The following GPR132 variants were observed in gnomAD, a reference collection of about 807,000 sequenced individuals.
The protein encoded by GPR132 is G protein-coupled receptor 132.
Under a neutral mutation model 1.9 loss-of-function variants are expected in GPR132, and 4 were observed. That is an observed-to-expected ratio of 2.13 (90% confidence interval 1.05 to 4.87). The LOEUF is 4.87. Ranked by LOEUF, GPR132 falls within the 30% of genes most tolerant of loss-of-function variation. The pLI is 0.01. For missense variants in GPR132, 404 were observed against 512.5 expected, an observed-to-expected ratio of 0.79 and a Z score of 2.04; for synonymous variants, 233 against 234.2, an observed-to-expected ratio of 0.99 and a Z score of 0.05.
chr14:105,050,730 T>A lies in GPR132; in HGVS notation c.*264A>T. On this transcript the variant is annotated 3_prime_UTR_variant, in exon 4 of 4. Coordinates refer to ENST00000329797, the MANE Select transcript of GPR132 (RefSeq NM_013345.4). This position sits in a 1 kb window ranked among gnomAD's most constrained non-coding sequence, Gnocchi z 4.0. ...CAAGGGAGCCAGCCAGGCAGGCTGCTGATGAAGAGGCCCCACTGCCTGCCA... is the reference window on the plus strand; with the variant it reads ...CAAGGGAGCCAGCCAGGCAGGCTGCAGATGAAGAGGCCCCACTGCCTGCCA... 5.8e-6 allele frequency: 3 copies of A among 517,522 alleles called. No homozygotes were observed. Among genetic ancestry groups the A allele is most frequent in the Non-Finnish European group, 1.0e-5 (3 of 289,148 alleles). 32.1% of individuals were successfully genotyped at this position (517,522 alleles called of 1,614,324 possible).
chr14:105,053,950 G>C (rs143526502), intron 3 of GPR132: 2 of 1,191,642 alleles, frequency 1.7e-6, no homozygotes, highest in Non-Finnish European at 2.1e-6. Context: ...ACAGCTCTCC[G>C]AGGTCAGAAA....
At position 105,050,757 on chromosome 14, in the gene GPR132, AT is replaced by A; in HGVS notation, c.*236del. On this transcript the variant is annotated 3_prime_UTR_variant, in exon 4 of 4. Transcript: ENST00000329797. This position sits in a 1 kb window ranked among gnomAD's most constrained non-coding sequence, Gnocchi z 4.0. Reference sequence around the variant, plus strand: ...ATGAAGAGGCCCCACTGCCTGCCACATGCTCTCTGGGCTCCCGGAAGCCTGG... The same window carrying A: ...ATGAAGAGGCCCCACTGCCTGCCACAGCTCTCTGGGCTCCCGGAAGCCTGG... The A allele has an allele frequency of 1.8e-6, 1 of 556,670 alleles. No homozygotes were observed. The highest frequency in any genetic ancestry group is 3.2e-6 in the Non-Finnish European group (1 of 312,148). 34.5% of individuals were successfully genotyped at this position (556,670 alleles called of 1,614,324 possible).
At chr14:105,052,782 C>T (rs1239831436) in intron 3 of GPR132, among the ~76,000 whole-genome samples, 1 of 151,362 alleles carries the variant, frequency 6.6e-6, no homozygotes, top group Admixed American at 6.6e-5. Context: ...CATGGAGAAA[C>T]CCTGTCTCTA....
At position 105,051,455 on chromosome 14, in the gene GPR132, G is replaced by A; in HGVS notation, c.682C>T (p.Gln228Ter). The A allele has an allele frequency of 6.2e-7, 1 of 1,614,094 alleles. No homozygotes were observed. The highest frequency in any genetic ancestry group is 1.7e-5 in the Admixed American group (1 of 60,026). Residue 228 changes from glutamine (Q) to a stop codon, truncating the protein, a stop_gained, in exon 4 of 4, where the codon CAG becomes TAG. Coordinates refer to ENST00000329797, the MANE Select transcript of GPR132 (RefSeq NM_013345.4). LOFTEE classifies it low-confidence loss of function (END_TRUNC). This position sits in a 1 kb window ranked among gnomAD's most constrained non-coding sequence, Gnocchi z 8.0. ...TGGGCAGCGCTTAAGCCCATGCTCT[G>A]CTTGATGCTCCTGAAAATCCGGTGG... ...TNHRIFRSIK[Q>*]SMGLSAAQKA...
In GPR132 at chr14:105,056,143, C is replaced by T. The variant is rs1886786840; in HGVS notation, c.-723G>A. The T allele has an allele frequency of 3.0e-6, 3 of 985,940 alleles. No homozygotes were observed. Among genetic ancestry groups the T allele is most frequent in the Non-Finnish European group, 1.2e-6 (1 of 830,250 alleles). The allele number at this position is 985,940 out of a possible 1,614,324, so 61.1% of individuals were successfully genotyped here. A position where few individuals can be genotyped will look rare whatever the true frequency, so the allele number is the denominator to read the frequency against. On this transcript the variant is annotated 5_prime_UTR_variant, in exon 3 of 4. Coordinates refer to ENST00000329797, the MANE Select transcript of GPR132 (RefSeq NM_013345.4). The surrounding 1 kb of genome is among the most constrained non-coding windows in gnomAD (Gnocchi z 6.0). ...TTGCTGGGTTTCTCCGGGTGAGTGT[C>T]GTGTCCCTTGCTCACCTTCCTCCCT...
rs571477782 is a variant in GPR132, at chr14:105,059,574, CTGT to C, written c.-860-2297_-860-2295del. On this transcript the variant is annotated intron_variant, in intron 1 of 3. Coordinates refer to ENST00000329797, the MANE Select transcript of GPR132 (RefSeq NM_013345.4). The surrounding 1 kb of genome is among the most constrained non-coding windows in gnomAD (Gnocchi z 4.2). ...ATGCAACCATTTGTCTCTCGCCTAC[CTGT>C]GTAGGCGAGAGACAAATGGTTGGGA... Among the ~76,000 whole-genome samples the C allele has an allele frequency of 1.5e-3, 223 of 151,954 alleles. 2 individuals carry two copies. The highest frequency in any genetic ancestry group is 3.8e-3 in the African/African-American group (156 of 41,482).
chr14:105,057,386 G>A (rs749563929), intron 1 of GPR132, 106 bp from the exon 2 acceptor site: 58 of 535,828 alleles, frequency 1.1e-4, no homozygotes, highest in Admixed American at 2.9e-4. Context: ...TAAGTGGCCC[G>A]TTGATTCGTA....
intron 3 of GPR132, among the ~76,000 whole-genome samples, chr14:105,053,506 T>C (rs751532580): frequency 1.3e-5 from 2 of 152,156 alleles, no homozygotes; most frequent in Non-Finnish European, 2.9e-5. Context: ...TATCAATTAC[T>C]AAAAAAGATA....
Position 105,051,421 on chromosome 14 carries a change from T to G in GPR132, c.716A>C (p.Lys239Thr). The change falls in exon 4 of 4, where the codon AAG becomes ACG. Residue 239 changes from lysine to threonine, a missense_variant. Lys to Thr is a moderately conservative substitution (Grantham distance 78). Coordinates refer to ENST00000329797, the MANE Select transcript of GPR132 (RefSeq NM_013345.4). The surrounding 1 kb of genome is among the most constrained non-coding windows in gnomAD (Gnocchi z 8.0). ...SMGLSAAQKA[K>T]VKHSAIAVVV... is the part of the protein sequence containing the mutation. ...CACCGCGATGGCCGAGTGCTTCACC[T>G]TGGCCTTCTGGGCAGCGCTTAAGCC... is the stretch of plus-strand genomic sequence containing the variant. 6.2e-7 allele frequency: 1 copy of G among 1,614,158 alleles called. No individual in the cohort carries two copies. The highest frequency in any genetic ancestry group is 8.5e-7 in the Non-Finnish European group (1 of 1,180,042).
chr14:105,051,567 C>T lies in GPR132; in HGVS notation c.570G>A (p.Leu190=), dbSNP rs756246500. The T allele has an allele frequency of 1.2e-6, 2 of 1,614,024 alleles. No individual in the cohort carries two copies. Among genetic ancestry groups the T allele is most frequent in the South Asian group, 2.2e-5 (2 of 91,086 alleles). Residue 190 remains leucine (L), a synonymous_variant, in exon 4 of 4, where the codon CTG becomes CTA. Coordinates refer to ENST00000329797, the MANE Select transcript of GPR132 (RefSeq NM_013345.4). This position sits in a 1 kb window ranked among gnomAD's most constrained non-coding sequence, Gnocchi z 8.0. ...ACCCGGCAATCCTGCTGTCCATCTGCAGCATGTCAAAGCAGGTCTCCTTGT... is the reference window on the plus strand; with the variant it reads ...ACCCGGCAATCCTGCTGTCCATCTGTAGCATGTCAAAGCAGGTCTCCTTGT... The part of the protein sequence containing the change: ...TEDKETCFDM[L]QMDSRIAGYY...
At chr14:105,053,182 C>T (rs1354845333) in intron 3 of GPR132, among the ~76,000 whole-genome samples, 1 of 117,198 alleles carries the variant, frequency 8.5e-6, no homozygotes, top group Non-Finnish European at 1.6e-5. Flanking sequence ...GAGATGGAGT[C>T]TCTCCCTCTG....
At position 105,056,584 on chromosome 14, in the gene GPR132, A is replaced by G. The variant is rs1330685388; in HGVS notation, c.-746-418T>C. Among the ~76,000 whole-genome samples the G allele has an allele frequency of 1.3e-5, 2 of 151,694 alleles. No individual in the cohort carries two copies. The highest frequency in any genetic ancestry group is 3.9e-4 in the East Asian group (2 of 5,172). On this transcript the variant is annotated intron_variant, in intron 2 of 3. Coordinates refer to ENST00000329797, the MANE Select transcript of GPR132 (RefSeq NM_013345.4). The surrounding 1 kb of genome is among the most constrained non-coding windows in gnomAD (Gnocchi z 6.0). The stretch of plus-strand genomic sequence containing the variant: ...TTCCTACGGCTCCCCCACCCCACAC[A>G]TCGTCGCCCGTGCGGTCTCAGTCAG...
intron 3 of GPR132, among the ~76,000 whole-genome samples, chr14:105,052,692 C>T (rs972174946): frequency 2.0e-5 from 3 of 151,806 alleles, no homozygotes; most frequent in African/African-American, 7.2e-5. Context: ...CATGGTGGCT[C>T]ACACCTGTAA....
chr14:105,051,036 C>A lies in GPR132; in HGVS notation c.1101G>T (p.Gly367=). ...TCAGCCTCTTTGCAGGGCATGGTGA[C>A]CCTGGTGGGTGCACGGGCCTGGAGA... ...YTFSRPVHPP[G]SPCPAKRLIE... Residue 367 remains glycine (G), a synonymous_variant, in exon 4 of 4, where the codon GGG becomes GGT. Coordinates refer to ENST00000329797, the MANE Select transcript of GPR132 (RefSeq NM_013345.4). This position sits in a 1 kb window ranked among gnomAD's most constrained non-coding sequence, Gnocchi z 8.0. The A allele has an allele frequency of 1.9e-6, 3 of 1,614,030 alleles. No individual in the cohort carries two copies. Among genetic ancestry groups the A allele is most frequent in the Non-Finnish European group, 2.5e-6 (3 of 1,179,902 alleles).
chr14:105,061,210 A>G (rs950858107), intron 1 of GPR132, among the ~76,000 whole-genome samples: 1 of 152,252 alleles, frequency 6.6e-6, no homozygotes, highest in African/African-American at 2.4e-5. Context: ...CTCACCACGC[A>G]TGGCCAACCA....
chr14:105,057,805 T>C (rs8011909), intron 1 of GPR132: 84,947 of 151,482 alleles, frequency 0.56, 26,437 homozygotes, highest in Non-Finnish European at 0.71. Context: ...TCTCCTGTCT[T>C]AGCCTCCCAA....
chr14:105,059,133 T>A lies in GPR132; in HGVS notation c.-860-1853A>T, dbSNP rs1407417767. On this transcript the variant is annotated intron_variant, in intron 1 of 3. Transcript: ENST00000329797. This position sits in a 1 kb window ranked among gnomAD's most constrained non-coding sequence, Gnocchi z 4.2. ...GTCAGTCTCCCAGTGCACACTCCCC[T>A]CCCAGGGCAGGGCCGGCCCGGCTGC... is the stretch of plus-strand genomic sequence containing the variant. Among the ~76,000 whole-genome samples the A allele has an allele frequency of 6.6e-6, 1 of 152,040 alleles. No individual in the cohort carries two copies. The highest frequency in any genetic ancestry group is 1.5e-5 in the Non-Finnish European group (1 of 67,986).
chr14:105,055,631 C>T lies in GPR132; in HGVS notation c.-211G>A. The T allele has an allele frequency of 9.9e-6, 6 of 603,852 alleles. No homozygotes were observed. In the South Asian group the frequency reaches 1.0e-4, roughly 10 times the overall value. The allele number at this position is 603,852 out of a possible 1,614,324, so 37.4% of individuals were successfully genotyped here. ...CTTCAGCGTGTGTCCTTCCGTGTCTCACGTGCTCCACTCACCACAGTGTCC... is the reference window on the plus strand; with the variant it reads ...CTTCAGCGTGTGTCCTTCCGTGTCTTACGTGCTCCACTCACCACAGTGTCC... On this transcript the variant is annotated 5_prime_UTR_variant, in exon 3 of 4. Coordinates refer to ENST00000329797, the MANE Select transcript of GPR132 (RefSeq NM_013345.4). The surrounding 1 kb of genome is among the most constrained non-coding windows in gnomAD (Gnocchi z 4.7).
Position 105,059,253 on chromosome 14 carries a change from C to T in GPR132, c.-860-1973G>A, listed in dbSNP as rs1287954359. ...ACTCCCTGGAGCCACTTGCTCTTCC[C>T]GCCCATCCCACGTGGCTCTTGCAGG... On this transcript the variant is annotated intron_variant, in intron 1 of 3. Coordinates refer to ENST00000329797, the MANE Select transcript of GPR132 (RefSeq NM_013345.4). The surrounding 1 kb of genome is among the most constrained non-coding windows in gnomAD (Gnocchi z 4.2). Among the ~76,000 whole-genome samples the T allele has an allele frequency of 1.3e-5, 2 of 152,202 alleles. No individual in the cohort carries two copies. Among genetic ancestry groups the T allele is most frequent in the Admixed American group, 6.5e-5 (1 of 15,290 alleles).
Sources: allele counts gnomAD v4.1 joint callset (sites outside exome capture counted in the v4.1 genomes callset), GRCh38; gene constraint gnomAD v4.1.1; non-coding constraint Gnocchi (gnomAD v3.1); transcripts MANE v1.5; gene names NCBI Gene and HGNC (gene_info 2026-07-23, HGNC 2026-07-21).